P3H2: variants seen among roughly 807,000 people sequenced by gnomAD.
P3H2 encodes leprecan-like 1.
In P3H2, 80 loss-of-function variants were observed where a neutral mutation model predicts 87.0. That is an observed-to-expected ratio of 0.92 (90% confidence interval 0.77 to 1.11). The LOEUF is 1.11. Among genes scored for constraint, P3H2 ranks in the 50% least tolerant of loss-of-function variants. The pLI is 0.00. For missense variants in P3H2, 1,001 were observed against 923.9 expected (o/e 1.08, Z -1.08); for synonymous variants, 367 against 359.3 (o/e 1.02, Z -0.24).
At chr3:190,108,517 C>T (rs1408232261) in intron 1 of P3H2, among the ~76,000 whole-genome samples, 1 of 152,186 alleles carries the variant, frequency 6.6e-6, no homozygotes, top group East Asian at 1.9e-4. Context: ...CTATGCCCAG[C>T]CTGTAAATCT....
chr3:190,081,343 A>G (rs1727036581), intron 1 of P3H2, among the ~76,000 whole-genome samples: 1 of 152,232 alleles, frequency 6.6e-6, no homozygotes, highest in African/African-American at 2.4e-5. Flanking sequence ...TTGGTATATA[A>G]TTAAGGGCAA....
intron 1 of P3H2, among the ~76,000 whole-genome samples, chr3:190,050,190 C>T (rs1346188626): frequency 1.3e-5 from 2 of 152,170 alleles, no homozygotes; most frequent in Non-Finnish European, 2.9e-5. Flanking sequence ...CTAAGTCAAA[C>T]GGGATTTCTT....
intron 1 of P3H2, among the ~76,000 whole-genome samples, chr3:190,086,560 C>A (rs1305414770): frequency 6.6e-6 from 1 of 152,128 alleles, no homozygotes; most frequent in Admixed American, 6.5e-5. Flanking sequence ...TGTGCATAGG[C>A]GTGAGGTTCT....
intron 1 of P3H2, among the ~76,000 whole-genome samples, chr3:190,109,013 A>C (rs2108521206): frequency 6.6e-6 from 1 of 152,350 alleles, no homozygotes; most frequent in South Asian, 2.1e-4. Context: ...ATATGGCCTT[A>C]CGGCAATACG....
intron 1 of P3H2, among the ~76,000 whole-genome samples, chr3:190,118,421 C>CA (rs1712379435): frequency 6.6e-6 from 1 of 151,996 alleles, no homozygotes; most frequent in African/African-American, 2.4e-5. Flanking sequence ...ACTTCACCGT[C>CA]AGACACTCAA....
At chr3:189,969,900 G>A (rs1025607834) in intron 13 of P3H2, 61 of 917,900 alleles carry the variant, frequency 6.6e-5, no homozygotes, top group African/African-American at 8.3e-5. Flanking sequence ...GCGAGCACTC[G>A]GGACTAAGGG....
chr3:190,046,245 T>C (rs1003261765), intron 1 of P3H2, among the ~76,000 whole-genome samples: 2 of 152,178 alleles, frequency 1.3e-5, no homozygotes, highest in Non-Finnish European at 1.5e-5. Context: ...TCTCTTGTGA[T>C]CTATCTGGTT....
chr3:190,055,214 C>T (rs145570260), intron 1 of P3H2, among the ~76,000 whole-genome samples: 166 of 152,312 alleles, frequency 1.1e-3, no homozygotes, highest in Admixed American at 1.4e-3. Context: ...GGAATAACTA[C>T]AAGCTGTGCG....
intron 13 of P3H2, chr3:189,969,014 T>A (rs116731733): frequency 1.9e-4 from 47 of 245,616 alleles, no homozygotes; most frequent in Non-Finnish European, 2.7e-4. Context: ...GTCAAAAGGA[T>A]AAATTGCAAA....
chr3:190,003,430 G>A (rs1724276758), intron 1 of P3H2, among the ~76,000 whole-genome samples: 2 of 150,306 alleles, frequency 1.3e-5, no homozygotes, highest in East Asian at 2.0e-4. Context: ...TTAAAGTGAA[G>A]ACACAGAACT....
intron 1 of P3H2, among the ~76,000 whole-genome samples, chr3:190,012,301 T>A (rs919947368): frequency 2.0e-5 from 3 of 151,860 alleles, no homozygotes; most frequent in African/African-American, 7.3e-5. Flanking sequence ...GAAATTTTCT[T>A]GTGAATTCCT....
chr3:190,060,817 A>G (rs943245623), intron 1 of P3H2, among the ~76,000 whole-genome samples: 5 of 152,166 alleles, frequency 3.3e-5, no homozygotes, highest in African/African-American at 1.2e-4. Flanking sequence ...CATGCTAAAA[A>G]TATAGGGAAG....
chr3:189,970,686 G>A (rs1162072858), intron 13 of P3H2, 130 bp downstream of exon 13: 7 of 663,614 alleles, frequency 1.1e-5, no homozygotes, highest in Non-Finnish European at 1.6e-5. Context: ...TACATTTACT[G>A]AAACTCTCTT....
intron 1 of P3H2, among the ~76,000 whole-genome samples, chr3:190,014,550 C>G (rs1177047525): frequency 1.3e-5 from 2 of 152,174 alleles, no homozygotes; most frequent in Non-Finnish European, 2.9e-5. Flanking sequence ...TTGGCTGCAT[C>G]TGAGACTGAC....
chr3:190,110,856 C>T (rs1712043963), intron 1 of P3H2, among the ~76,000 whole-genome samples: 1 of 152,180 alleles, frequency 6.6e-6, no homozygotes, highest in Non-Finnish European at 1.5e-5. Context: ...GTTTTGTAAT[C>T]ATTTATTTTA....
intron 1 of P3H2, among the ~76,000 whole-genome samples, chr3:190,058,301 G>A (rs1015830298): frequency 6.6e-6 from 1 of 152,082 alleles, no homozygotes; most frequent in African/African-American, 2.4e-5. Flanking sequence ...AGCATTTATT[G>A]TTTCCTATAG....
At chr3:189,974,726 C>T (rs1189452833) in intron 8 of P3H2, 41 bp from the exon 9 acceptor site, 1 of 1,613,386 alleles carries the variant, frequency 6.2e-7, no homozygotes. Context: ...TTACCTCTGT[C>T]CCCCGAAAGG....
In P3H2 at chr3:189,957,230, CA is replaced by C. The variant is rs1459776270; in HGVS notation, c.*681del. 1 of 399,126 alleles carries C rather than the reference CA, an allele frequency of 2.5e-6. No homozygotes were observed. The highest frequency in any genetic ancestry group is 3.6e-5 in the East Asian group (1 of 28,070). 24.7% of individuals were successfully genotyped at this position (399,126 alleles called of 1,614,324 possible). ...ATACCTGAGGCAGCGTGGACTCTGC[CA>C]GGGGCTCCTCAGACCCAAAGTGGAG... On this transcript the variant is annotated 3_prime_UTR_variant, in exon 15 of 15. Transcript: ENST00000319332.
chr3:190,040,018 G>C lies in P3H2; in HGVS notation c.481-44576C>G, dbSNP rs563872128. 2.6e-5 allele frequency among the ~76,000 whole-genome samples: 4 copies of C among 152,330 alleles called. No individual in the cohort carries two copies. In the South Asian group the frequency reaches 8.3e-4, roughly 32 times the overall value. ...AACTCACAGGAATATGGAGAAGTGA[G>C]AGCAGTGACTATAGTTGCATTAGAT... On this transcript the variant is annotated intron_variant, in intron 1 of 14. Transcript: ENST00000319332.
Sources: gnomAD v4.1 joint callset for allele counts (sites outside exome capture counted in the v4.1 genomes callset) on GRCh38, gnomAD v4.1.1 for gene constraint, MANE v1.5 for transcripts, NCBI Gene and HGNC (gene_info 2026-07-23, HGNC 2026-07-21) for gene names.